Variants in KMT2A observed in about 807,000 individuals in gnomAD.
KMT2A encodes lysine methyltransferase 2A.
Under a neutral mutation model 345.3 loss-of-function variants are expected in KMT2A, and 16 were observed. The observed-to-expected ratio is 0.05, with a 90% CI of 0.03 to 0.07. KMT2A has a LOEUF of 0.07. KMT2A is among the 10% of genes least tolerant of loss of function. KMT2A has a pLI of 1.00. For missense variants in KMT2A, 3,272 were observed against 4,841.6 expected, an observed-to-expected ratio of 0.68 and a Z score of 9.62; for synonymous variants, 1,599 against 1,778.6, an observed-to-expected ratio of 0.90 and a Z score of 2.54.
In KMT2A at chr11:118,506,128, G is replaced by A. The variant is rs371281004; in HGVS notation, c.10236G>A (p.Leu3412=). The A allele has an allele frequency of 1.2e-6, 2 of 1,614,136 alleles. No individual in the cohort carries two copies. Among genetic ancestry groups the A allele is most frequent in the East Asian group, 2.2e-5 (1 of 44,882 alleles). The change falls in exon 27 of 36, where the codon CTG becomes CTA. Residue 3412 remains leucine (L), a synonymous_variant. Transcript: ENST00000534358. ...LPPSSGMFPQ[L]GTSQTPSTAA... ...CAAGTTCAGGAATGTTTCCACAACT[G>A]GGGACATCACAGACCCCCTCTACTG... is the stretch of plus-strand genomic sequence containing the variant.
chr11:118,442,733 A>AT (rs1555026190), intron 1 of KMT2A, among the ~76,000 whole-genome samples: 2 of 152,180 alleles, frequency 1.3e-5, no homozygotes, highest in East Asian at 3.8e-4. Flanking sequence ...ATTTCTTGAG[A>AT]TTTTCAGGAA....
In KMT2A at chr11:118,473,845, G is replaced by A. The variant is rs2134271101; in HGVS notation, c.2686G>A (p.Gly896Arg). ...RESRKEKRKKGSEIQSSSALY... is the reference protein window; with the variant it reads ...RESRKEKRKKRSEIQSSSALY... Reference sequence around the variant, plus strand: ...GTCAAGGAAAGAGAAAAGGAAAAAGGGATCAGAAATTCAGAGTAGTTCTGC... The same window carrying A: ...GTCAAGGAAAGAGAAAAGGAAAAAGAGATCAGAAATTCAGAGTAGTTCTGC... The change falls in exon 3 of 36, where the codon GGA becomes AGA. Residue 896 changes from glycine (G) to arginine (R), a missense_variant. Physicochemically the swap from Gly to Arg is moderately radical, Grantham distance 125. Around this residue, in one of 27 missense-constraint regions of KMT2A, gnomAD observed 209 missense variants for 237.4 expected, o/e 0.88. Coordinates refer to ENST00000534358, the MANE Select transcript of KMT2A (RefSeq NM_001197104.2). This position sits in a 1 kb window ranked among gnomAD's most constrained non-coding sequence, Gnocchi z 5.2. 6.2e-7 allele frequency: 1 copy of A among 1,614,164 alleles called. No homozygotes were observed. The highest frequency in any genetic ancestry group is 8.5e-7 in the Non-Finnish European group (1 of 1,180,028).
rs782779444 is a variant in KMT2A at position 118,484,989 on chromosome 11, C to CT, written c.4332+16dup. ...GGGCATGTAGAGGTAAGGCATCCTGCTTCTTTGTACCCCAGGAAGTACATA... is the reference window on the plus strand; with the variant it reads ...GGGCATGTAGAGGTAAGGCATCCTGCTTTCTTTGTACCCCAGGAAGTACATA... On this transcript the variant is annotated intron_variant, in intron 10 of 35. Coordinates refer to ENST00000534358, the MANE Select transcript of KMT2A (RefSeq NM_001197104.2). This position sits in a 1 kb window ranked among gnomAD's most constrained non-coding sequence, Gnocchi z 4.1. 7.2e-7 allele frequency: 1 copy of CT among 1,393,608 alleles called. No homozygotes were observed. The highest frequency in any genetic ancestry group is 1.0e-6 in the Non-Finnish European group (1 of 979,346). 86.3% of individuals were successfully genotyped at this position (1,393,608 alleles called of 1,614,324 possible).
chr11:118,480,361 G>A, intron 6 of KMT2A, 123 bp downstream of exon 6: 1 of 661,604 alleles, frequency 1.5e-6, no homozygotes, highest in African/African-American at 1.8e-5. Flanking sequence ...GGAGTAGATT[G>A]TTGAAGCTAG....
Position 118,524,052 on chromosome 11 carries a change from AAAC to A in KMT2A, c.*1886_*1888del, listed in dbSNP as rs1190748010. 3.1e-5 allele frequency: 6 copies of A among 195,218 alleles called. No individual in the cohort carries two copies. The highest frequency in any genetic ancestry group is 5.3e-5 in the Non-Finnish European group (5 of 93,554). The allele number at this position is 195,218 out of a possible 1,614,324, so 12.1% of individuals were successfully genotyped here. On this transcript the variant is annotated 3_prime_UTR_variant, in exon 36 of 36. Transcript: ENST00000534358. Reference sequence around the variant, plus strand: ...TCATCTTTCTTACTTCAGAGTTAGCAAACAACAAGTTGAATGGCAACTTGACAT... The same window carrying A: ...TCATCTTTCTTACTTCAGAGTTAGCAAACAAGTTGAATGGCAACTTGACAT...
intron 28 of KMT2A, 89 bp downstream of exon 28, chr11:118,507,698 C>T: frequency 9.8e-7 from 1 of 1,024,840 alleles, no homozygotes; most frequent in Non-Finnish European, 1.5e-6. Context: ...GGCGCAGTGG[C>T]TCACGCCTGT....
chr11:118,489,442 T>C (rs1461267462), intron 11 of KMT2A, among the ~76,000 whole-genome samples: 1 of 152,170 alleles, frequency 6.6e-6, no homozygotes, highest in Non-Finnish European at 1.5e-5. Context: ...TAAGATTTTG[T>C]ATCTATATTA....
Position 118,505,542 on chromosome 11 carries a change from C to T in KMT2A, c.9650C>T (p.Pro3217Leu). 6.2e-7 allele frequency: 1 copy of T among 1,614,168 alleles called. No homozygotes were observed. The change falls in exon 27 of 36, where the codon CCA (proline) becomes CTA (leucine). Residue 3217 changes from proline to leucine, a missense_variant. Around this residue, in one of 27 missense-constraint regions of KMT2A, gnomAD observed 748 missense variants for 922.2 expected, o/e 0.81. Coordinates refer to ENST00000534358, the MANE Select transcript of KMT2A (RefSeq NM_001197104.2). The surrounding 1 kb of genome is among the most constrained non-coding windows in gnomAD (Gnocchi z 4.6). ...RTDLSTTVAT[P>L]SSGLKKRPIS... ...GACCTCAGTACCACAGTAGCCACTCCATCCTCTGGACTCAAGAAAAGACCC... is the reference window on the plus strand; with the variant it reads ...GACCTCAGTACCACAGTAGCCACTCTATCCTCTGGACTCAAGAAAAGACCC...
At chr11:118,517,082 G>A (rs1555051743) in intron 31 of KMT2A, among the ~76,000 whole-genome samples, 1 of 151,884 alleles carries the variant, frequency 6.6e-6, no homozygotes. Context: ...AATTATTAAG[G>A]AAAATTAGTG....
In KMT2A at chr11:118,506,446, T is replaced by A; in HGVS notation, c.10554T>A (p.Ser3518=). The A allele has an allele frequency of 6.2e-7, 1 of 1,614,180 alleles. No individual in the cohort carries two copies. The highest frequency in any genetic ancestry group is 8.5e-7 in the Non-Finnish European group (1 of 1,180,024). Residue 3518 remains serine, a synonymous_variant, in exon 27 of 36, where the codon TCT becomes TCA. Coordinates refer to ENST00000534358, the MANE Select transcript of KMT2A (RefSeq NM_001197104.2). ...VQASPTSPGG[S]PSSPSSGQRS... The stretch of plus-strand genomic sequence containing the variant: ...CCAGCCCCACCTCTCCTGGGGGTTC[T>A]CCATCCTCTCCATCTTCTGGACAGC...
In KMT2A at chr11:118,520,289, T is replaced by C; in HGVS notation, c.11429+225T>C. The C allele has an allele frequency of 1.9e-6, 1 of 526,752 alleles. No individual in the cohort carries two copies. 32.6% of individuals were successfully genotyped at this position (526,752 alleles called of 1,614,324 possible). A position where few individuals can be genotyped will look rare whatever the true frequency, so the allele number is the denominator to read the frequency against. On this transcript the variant is annotated intron_variant, in intron 33 of 35. Coordinates refer to ENST00000534358, the MANE Select transcript of KMT2A (RefSeq NM_001197104.2). The surrounding 1 kb of genome is among the most constrained non-coding windows in gnomAD (Gnocchi z 4.3). ...GTAAGATGCCTGTTTTCTTTAATGA[T>C]AGTATACTCTGTCAGCTTTGGTTGT... is the stretch of plus-strand genomic sequence containing the variant.
intron 1 of KMT2A, among the ~76,000 whole-genome samples, chr11:118,440,440 T>C (rs555706943): frequency 8.1e-4 from 123 of 152,344 alleles, no homozygotes; most frequent in African/African-American, 2.8e-3. Context: ...CTTTGCCATC[T>C]AAATAAACAT....
At chr11:118,499,736 C>T (rs782741633) in intron 23 of KMT2A, 99 bp from the exon 24 acceptor site, 74 of 876,948 alleles carry the variant, frequency 8.4e-5, no homozygotes, top group Admixed American at 1.7e-4. Flanking sequence ...GCTGAGATTG[C>T]GCCACTGCAT....
At position 118,496,413 on chromosome 11, in the gene KMT2A, A is replaced by G; in HGVS notation, c.5664+46A>G. On this transcript the variant is annotated intron_variant, in intron 20 of 35. Coordinates refer to ENST00000534358, the MANE Select transcript of KMT2A (RefSeq NM_001197104.2). The surrounding 1 kb of genome is among the most constrained non-coding windows in gnomAD (Gnocchi z 4.7). The stretch of plus-strand genomic sequence containing the variant: ...GGCCCTAGTTAATACATACTCCAAA[A>G]GAACTGTTTGTCCTTGTGTCCATAC... 7.5e-7 allele frequency: 1 copy of G among 1,328,768 alleles called. No individual in the cohort carries two copies. Among genetic ancestry groups the G allele is most frequent in the South Asian group, 1.2e-5 (1 of 84,938 alleles). 82.3% of individuals were successfully genotyped at this position (1,328,768 alleles called of 1,614,324 possible).
chr11:118,460,967 G>A (rs1315063289), intron 1 of KMT2A, among the ~76,000 whole-genome samples: 1 of 152,226 alleles, frequency 6.6e-6, no homozygotes, highest in Non-Finnish European at 1.5e-5. Context: ...TATAGCCCTA[G>A]GGCAAGTGTA....
rs527567085 is a variant in KMT2A at position 118,512,806 on chromosome 11, T to G, written c.11146+781T>G. Among the ~76,000 whole-genome samples, 411 of 152,020 alleles carry G rather than the reference T, an allele frequency of 2.7e-3. 1 individual carries two copies. The highest frequency in any genetic ancestry group is 3.6e-3 in the Non-Finnish European group (244 of 67,942). On this transcript the variant is annotated intron_variant, in intron 31 of 35. Transcript: ENST00000534358. ...TGCCAACACTTACCTGTTTTTTGTTTTTTTTTTTTTATTTTAGACATTGTA... is the reference window on the plus strand; with the variant it reads ...TGCCAACACTTACCTGTTTTTTGTTGTTTTTTTTTTATTTTAGACATTGTA...
rs1950379397 is a variant in KMT2A at position 118,494,844 on chromosome 11, T to C, written c.5363+77T>C. ...GAGTTCTCATATTTCTAGATTGCAG[T>C]TTTCCAAAAGGTTTTAATACTAGAA... On this transcript the variant is annotated intron_variant, in intron 18 of 35. Transcript: ENST00000534358. The surrounding 1 kb of genome is among the most constrained non-coding windows in gnomAD (Gnocchi z 5.8). 1 of 1,203,106 alleles carries C rather than the reference T, an allele frequency of 8.3e-7. No homozygotes were observed. The highest frequency in any genetic ancestry group is 2.3e-5 in the East Asian group (1 of 42,608). The allele number at this position is 1,203,106 out of a possible 1,614,324, so 74.5% of individuals were successfully genotyped here.
chr11:118,499,367 T>G lies in KMT2A; in HGVS notation c.6026T>G (p.Leu2009Trp), dbSNP rs1555044990. The G allele has an allele frequency of 6.2e-7, 1 of 1,611,238 alleles. No homozygotes were observed. The highest frequency in any genetic ancestry group is 2.2e-5 in the East Asian group (1 of 44,888). ...RVFVDFEGIS[L>W]RRKFLNGLEP... is the part of the protein sequence containing the mutation. ...TTTGTGGACTTTGAAGGAATCAGCT[T>G]GAGAAGGAAGTTTCTCAATGGCTTG... The change falls in exon 23 of 36, where the codon TTG (leucine) becomes TGG (tryptophan). Residue 2009 changes from leucine to tryptophan, a missense_variant. Physicochemically the swap from Leu to Trp is moderately conservative, Grantham distance 61 (BLOSUM62 -2). Transcript: ENST00000534358.
rs1409390869 is a variant in KMT2A at position 118,490,316 on chromosome 11, C to T, written c.4696+67C>T. The T allele has an allele frequency of 6.9e-7, 1 of 1,448,130 alleles. No homozygotes were observed. Among genetic ancestry groups the T allele is most frequent in the East Asian group, 2.5e-5 (1 of 40,502 alleles). The allele number at this position is 1,448,130 out of a possible 1,614,324, so 89.7% of individuals were successfully genotyped here. Reference sequence around the variant, plus strand: ...CTTGGTGTTCTGGAGGTGAACTAGACTCTAGTGAAATGAAATAAAAAGTCT... The same window carrying T: ...CTTGGTGTTCTGGAGGTGAACTAGATTCTAGTGAAATGAAATAAAAAGTCT... On this transcript the variant is annotated intron_variant, in intron 13 of 35. Coordinates refer to ENST00000534358, the MANE Select transcript of KMT2A (RefSeq NM_001197104.2). The surrounding 1 kb of genome is among the most constrained non-coding windows in gnomAD (Gnocchi z 4.2).
Sources: gnomAD v4.1 joint callset for allele counts (sites outside exome capture counted in the v4.1 genomes callset) on GRCh38, gnomAD v4.1.1 for gene constraint, gnomAD v4.1.1 regional missense constraint, Gnocchi (gnomAD v3.1) non-coding constraint, MANE v1.5 for transcripts, NCBI Gene and HGNC (gene_info 2026-07-23, HGNC 2026-07-21) for gene names.